Variants in OR7C1 observed in about 807,000 individuals in gnomAD.
OR7C1 encodes olfactory receptor 7C1.
For missense variants in OR7C1, 324 were observed against 383.3 expected (o/e 0.85, Z 1.29); for synonymous variants, 152 against 160.7 (o/e 0.95, Z 0.41).
At chr19:14,800,606 A>G (rs1287433560) in exon 3 of OR7C1, 1 of 153,196 alleles carries the variant, frequency 6.5e-6, no homozygotes, top group African/African-American at 2.4e-5. Flanking sequence ...ATCATTTTCT[A>G]ACAAAGAGCA....
intron 1 of OR7C1, among the ~76,000 whole-genome samples, chr19:14,820,559 GA>G (rs893666737): frequency 6.7e-6 from 1 of 150,114 alleles, no homozygotes; most frequent in Non-Finnish European, 1.5e-5. Context: ...AGACCTTAAA[GA>G]AAAAAAATCA....
intron 1 of OR7C1, among the ~76,000 whole-genome samples, chr19:14,810,685 C>T (rs1399701009): frequency 2.6e-5 from 4 of 151,628 alleles, no homozygotes; most frequent in South Asian, 2.1e-4. Context: ...GCGCCAGGCC[C>T]GAAATGAGCT....
Position 14,800,106 on chromosome 19 carries a change from C to G in OR7C1, c.31G>C (p.Glu11Gln), listed in dbSNP as rs995549101. The stretch of plus-strand genomic sequence containing the variant: ...GCTGAAAATCCCAGGAGGAGAAATT[C>G]TTGGGCATGTGTTTGATTTCCTGTT... The change falls in exon 5 of 5, where the codon GAA becomes CAA. Residue 11 changes from glutamate to glutamine, a missense_variant. Physicochemically the swap from Glu to Gln is conservative, Grantham distance 29. Transcript: ENST00000641666. The G allele has an allele frequency of 4.4e-6, 7 of 1,591,336 alleles. No homozygotes were observed. The highest frequency in any genetic ancestry group is 2.6e-6 in the Non-Finnish European group (3 of 1,165,408).
chr19:14,801,923 C>G (rs1456280579), intron 2 of OR7C1, among the ~76,000 whole-genome samples: 1 of 152,230 alleles, frequency 6.6e-6, no homozygotes, highest in Admixed American at 6.5e-5. Flanking sequence ...GTGATCCAAT[C>G]ACCTCCCACC....
intron 1 of OR7C1, among the ~76,000 whole-genome samples, chr19:14,819,625 A>G (rs2044731762): frequency 1.3e-5 from 2 of 152,180 alleles, no homozygotes; most frequent in South Asian, 2.1e-4. Context: ...TACTTTTAAA[A>G]ATAGTGGTTA....
intron 1 of OR7C1, among the ~76,000 whole-genome samples, chr19:14,811,213 A>T (rs553090795): frequency 6.6e-6 from 1 of 152,014 alleles, no homozygotes; most frequent in East Asian, 1.9e-4. Flanking sequence ...AACAACAGGA[A>T]TGTATTCTCT....
chr19:14,830,469 G>A (rs961092494), intron 1 of OR7C1, among the ~76,000 whole-genome samples: 1 of 152,158 alleles, frequency 6.6e-6, no homozygotes, highest in Non-Finnish European at 1.5e-5. Flanking sequence ...AGGAGACAAA[G>A]GCTTGCTGGG....
intron 2 of OR7C1, among the ~76,000 whole-genome samples, chr19:14,806,892 A>G (rs1462796020): frequency 1.3e-5 from 2 of 152,002 alleles, no homozygotes. Flanking sequence ...TCCTTTAGGT[A>G]TATACCCAGT....
At chr19:14,805,208 C>G (rs1313413924) in intron 2 of OR7C1, among the ~76,000 whole-genome samples, 1 of 151,624 alleles carries the variant, frequency 6.6e-6, no homozygotes, top group Non-Finnish European at 1.5e-5. Flanking sequence ...GGTCCCCAGT[C>G]TGTACTCCTC....
intron 2 of OR7C1, among the ~76,000 whole-genome samples, chr19:14,806,821 T>A (rs2044668448): frequency 6.6e-6 from 1 of 151,974 alleles, no homozygotes; most frequent in African/African-American, 2.4e-5. Context: ...TCTTTGATAT[T>A]GTGAATAGTG....
At chr19:14,813,973 C>T (rs1350485857) in intron 1 of OR7C1, among the ~76,000 whole-genome samples, 1 of 152,092 alleles carries the variant, frequency 6.6e-6, no homozygotes, top group African/African-American at 2.4e-5. Flanking sequence ...TTGATATCCA[C>T]ATGTGTAAGA....
intron 1 of OR7C1, among the ~76,000 whole-genome samples, chr19:14,817,350 T>A (rs1406705709): frequency 6.6e-6 from 1 of 152,212 alleles, no homozygotes; most frequent in African/African-American, 2.4e-5. Flanking sequence ...GAGTCCATGT[T>A]TTCACTCCAA....
Position 14,800,448 on chromosome 19 carries a change from C to A in OR7C1, c.-202-4G>T. ...AATGCAGAATCCCTGGTCAGACCTA[C>A]GGATTCAGAATCTACATTTTAACAA... On this transcript the variant is annotated splice_region_variant and splice_polypyrimidine_tract_variant and intron_variant, in intron 3 of 4. Transcript: ENST00000641666. The A allele has an allele frequency of 7.0e-6, 2 of 284,308 alleles. No individual in the cohort carries two copies. Among genetic ancestry groups the A allele is most frequent in the East Asian group, 7.0e-5 (1 of 14,330 alleles). 17.6% of individuals were successfully genotyped at this position (284,308 alleles called of 1,614,324 possible).
chr19:14,832,527 A>T (rs1337594569), intron 1 of OR7C1, among the ~76,000 whole-genome samples: 2 of 151,166 alleles, frequency 1.3e-5, no homozygotes, highest in Non-Finnish European at 2.9e-5. Context: ...CCTGGGTTCA[A>T]GCGATTCTCC....
chr19:14,824,386 A>G (rs1029000755), intron 1 of OR7C1: 1 of 152,014 alleles, frequency 6.6e-6, no homozygotes, highest in African/African-American at 2.4e-5. Flanking sequence ...CTTTCTCCCC[A>G]CTATAGTAGT....
intron 2 of OR7C1, among the ~76,000 whole-genome samples, chr19:14,809,112 G>T (rs1417014950): frequency 6.6e-6 from 1 of 151,916 alleles, no homozygotes; most frequent in African/African-American, 2.4e-5. Context: ...TTGACCCATT[G>T]TATCTCTACT....
Position 14,799,149 on chromosome 19 carries a change from CTCCCAATGGTCCAAG to C in OR7C1, c.*10_*24del, listed in dbSNP as rs564119297. Reference sequence around the variant, plus strand: ...TACATTCAAGAACCACCAAAAGTGCCTCCCAATGGTCCAAGCCTTGCTACTTATGAAAGTCCTGCA... The same window carrying C: ...TACATTCAAGAACCACCAAAAGTGCCCCTTGCTACTTATGAAAGTCCTGCA... On this transcript the variant is annotated 3_prime_UTR_variant, in exon 5 of 5. Transcript: ENST00000641666. 8.9e-5 allele frequency: 139 copies of C among 1,563,346 alleles called. No individual in the cohort carries two copies. The African/African-American group carries it at 1.6e-3, about 18-fold the overall frequency.
intron 1 of OR7C1, among the ~76,000 whole-genome samples, chr19:14,819,286 G>T (rs1009598306): frequency 1.3e-5 from 2 of 152,086 alleles, no homozygotes; most frequent in South Asian, 2.1e-4. Flanking sequence ...AGCCCAGCAT[G>T]CATTAGCTAT....
chr19:14,821,999 T>A (rs888482435), intron 1 of OR7C1, among the ~76,000 whole-genome samples: 1 of 152,250 alleles, frequency 6.6e-6, no homozygotes, highest in Non-Finnish European at 1.5e-5. Context: ...TGTAATGTCC[T>A]CCAGGTTCAT....
Sources: gnomAD v4.1 joint callset for allele counts (sites outside exome capture counted in the v4.1 genomes callset) on GRCh38, gnomAD v4.1.1 for gene constraint, MANE v1.5 for transcripts, NCBI Gene and HGNC (gene_info 2026-07-23, HGNC 2026-07-21) for gene names.